Variants in ADAMTS17 observed in about 807,000 individuals in gnomAD.
ADAMTS17 encodes ADAM metallopeptidase with thrombospondin type 1 motif 17.
In ADAMTS17, 113 loss-of-function variants were observed where a neutral mutation model predicts 141.5. The ratio of observed to expected loss-of-function variants is 0.80; its 90% CI spans 0.69 to 0.93. The LOEUF is 0.93. ADAMTS17 is among the 40% of genes least tolerant of loss of function. The pLI is 0.00. For synonymous variants in ADAMTS17, 768 were observed against 630.6 expected, an observed-to-expected ratio of 1.22 and a Z score of -3.27; for missense variants, 1,659 against 1,517.9, an observed-to-expected ratio of 1.09 and a Z score of -1.54.
chr15:100,023,504 C>T (rs1227545787), intron 18 of ADAMTS17, among the ~76,000 whole-genome samples: 1 of 152,040 alleles, frequency 6.6e-6, no homozygotes, highest in Non-Finnish European at 1.5e-5. Context: ...CTTTGCCTGG[C>T]CAAGAAAATT....
chr15:100,206,994 A>C (rs181157280), intron 7 of ADAMTS17, among the ~76,000 whole-genome samples: 1 of 152,210 alleles, frequency 6.6e-6, no homozygotes, highest in East Asian at 1.9e-4. Context: ...AAGAGCAAAT[A>C]CGTGCATTTT....
intron 15 of ADAMTS17, among the ~76,000 whole-genome samples, chr15:100,078,615 C>T (rs570080697): frequency 1.1e-4 from 16 of 152,270 alleles, no homozygotes; most frequent in Admixed American, 4.6e-4. Flanking sequence ...CTAGAAACCT[C>T]TTGGAAGAAA....
chr15:100,097,663 T>C (rs1185802648), intron 14 of ADAMTS17, among the ~76,000 whole-genome samples: 1 of 152,236 alleles, frequency 6.6e-6, no homozygotes, highest in Non-Finnish European at 1.5e-5. Flanking sequence ...GGAGGGCTGT[T>C]AAAACACAAA....
intron 6 of ADAMTS17, among the ~76,000 whole-genome samples, chr15:100,259,837 G>C (rs933239459): frequency 2.0e-5 from 3 of 152,048 alleles, no homozygotes; most frequent in African/African-American, 7.2e-5. Context: ...GTCTATTCTA[G>C]GATTTTGGTT....
At chr15:100,153,796 T>A (rs1272665224) in intron 9 of ADAMTS17, among the ~76,000 whole-genome samples, 1 of 152,212 alleles carries the variant, frequency 6.6e-6, no homozygotes, top group Non-Finnish European at 1.5e-5. Flanking sequence ...AGGAAAGAGT[T>A]GCATGAACAC....
At chr15:100,301,401 T>A (rs1307138614) in intron 3 of ADAMTS17, among the ~76,000 whole-genome samples, 6 of 151,932 alleles carry the variant, frequency 3.9e-5, no homozygotes, top group Non-Finnish European at 8.8e-5. Context: ...CTCAGCTCAC[T>A]GCAAGCTCCA....
chr15:100,201,582 C>T (rs925792860), intron 7 of ADAMTS17, among the ~76,000 whole-genome samples: 4 of 152,228 alleles, frequency 2.6e-5, no homozygotes, highest in African/African-American at 4.8e-5. Flanking sequence ...CGCAGAGGTG[C>T]GGCTCCAGGG....
chr15:100,253,212 C>T (rs1340610440), intron 7 of ADAMTS17, among the ~76,000 whole-genome samples: 1 of 151,278 alleles, frequency 6.6e-6, no homozygotes, highest in Non-Finnish European at 1.5e-5. Context: ...AAACTGGAAA[C>T]ACCCTTGGCA....
chr15:100,237,260 C>A (rs558535782), intron 7 of ADAMTS17, among the ~76,000 whole-genome samples: 10 of 152,314 alleles, frequency 6.6e-5, no homozygotes, highest in Admixed American at 6.5e-4. Flanking sequence ...CTGAGGACGG[C>A]ACCAGGCAAG....
chr15:100,223,140 T>C (rs2042186700), intron 7 of ADAMTS17, among the ~76,000 whole-genome samples: 1 of 152,178 alleles, frequency 6.6e-6, no homozygotes, highest in Non-Finnish European at 1.5e-5. Flanking sequence ...GAGGCACCTG[T>C]CACTTAGCAT....
At chr15:100,333,535 G>A (rs935585682) in intron 2 of ADAMTS17, among the ~76,000 whole-genome samples, 2 of 152,218 alleles carry the variant, frequency 1.3e-5, no homozygotes, top group Non-Finnish European at 2.9e-5. Context: ...CGCCGTCCTA[G>A]CTTTTCACTG....
chr15:100,205,282 G>C (rs2041492676), intron 7 of ADAMTS17, among the ~76,000 whole-genome samples: 1 of 152,182 alleles, frequency 6.6e-6, no homozygotes, highest in African/African-American at 2.4e-5. Context: ...TGAGTTAAGG[G>C]TAAGTGGAGG....
intron 2 of ADAMTS17, among the ~76,000 whole-genome samples, chr15:100,340,207 G>A (rs1364304496): frequency 6.6e-6 from 1 of 152,246 alleles, no homozygotes; most frequent in Admixed American, 6.5e-5. Context: ...TCGTCTGGGC[G>A]CCAGTGTAGC....
At chr15:100,231,101 G>A (rs1316714796) in intron 7 of ADAMTS17, among the ~76,000 whole-genome samples, 1 of 152,204 alleles carries the variant, frequency 6.6e-6, no homozygotes, top group African/African-American at 2.4e-5. Context: ...ATAATCCAAA[G>A]CAGTCTTTAA....
In ADAMTS17 at chr15:100,131,989, G is replaced by C. The variant is rs755267076; in HGVS notation, c.1721+18C>G. The stretch of plus-strand genomic sequence containing the variant: ...TCCAATCGTGGCACGTTGGGGTATG[G>C]CTGGTCAGGGGACTTACGGGGGGTT... On this transcript the variant is annotated intron_variant, in intron 12 of 21. Coordinates refer to ENST00000268070, the MANE Select transcript of ADAMTS17 (RefSeq NM_139057.4). 6 of 1,614,238 alleles carry C rather than the reference G, an allele frequency of 3.7e-6. No homozygotes were observed. Among genetic ancestry groups the C allele is most frequent in the Non-Finnish European group, 5.1e-6 (6 of 1,180,046 alleles).
chr15:100,324,468 T>A (rs1327954134), intron 3 of ADAMTS17, among the ~76,000 whole-genome samples: 1 of 152,208 alleles, frequency 6.6e-6, no homozygotes, highest in Admixed American at 6.5e-5. Flanking sequence ...TTCATTTATG[T>A]CTTTACTGCC....
At chr15:100,100,033 C>A (rs1381171568) in intron 14 of ADAMTS17, among the ~76,000 whole-genome samples, 1 of 152,216 alleles carries the variant, frequency 6.6e-6, no homozygotes, top group Non-Finnish European at 1.5e-5. Context: ...TCACCTCCTG[C>A]TCTACAGCGT....
intron 18 of ADAMTS17, among the ~76,000 whole-genome samples, chr15:100,019,583 C>T (rs117427871): frequency 0.028 from 4,248 of 152,276 alleles, 95 homozygotes; most frequent in Non-Finnish European, 0.043. Context: ...GGTGTATGAC[C>T]ACACCTGCGC....
intron 7 of ADAMTS17, among the ~76,000 whole-genome samples, chr15:100,243,970 T>C (rs2042909896): frequency 6.6e-6 from 1 of 152,114 alleles, no homozygotes; most frequent in Admixed American, 6.5e-5. Context: ...TGTATCAGTC[T>C]ATTCTCACAC....
Sources: allele counts gnomAD v4.1 joint callset (sites outside exome capture counted in the v4.1 genomes callset), GRCh38; gene constraint gnomAD v4.1.1; transcripts MANE v1.5; gene names NCBI Gene and HGNC (gene_info 2026-07-23, HGNC 2026-07-21).